The following NT5DC3 variants were observed in gnomAD, a reference collection of about 807,000 sequenced individuals.
NT5DC3 encodes the protein 5'-nucleotidase domain-containing protein 3.
NT5DC3 carries 42 observed loss-of-function variants against 67.8 expected under a neutral mutation model. That is an observed-to-expected ratio of 0.62 (90% CI 0.48 to 0.80). NT5DC3 has a LOEUF of 0.80. NT5DC3 is among the 30% of genes least tolerant of loss of function. NT5DC3 has a pLI of 0.00. For missense variants in NT5DC3, 570 were observed against 696.4 expected, an observed-to-expected ratio of 0.82 and a Z score of 2.04; for synonymous variants, 237 against 255.6, an observed-to-expected ratio of 0.93 and a Z score of 0.69.
the NT5DC3 span, among the ~76,000 whole-genome samples, chr12:103,751,962 A>G: frequency 6.6e-6 from 1 of 152,094 alleles, no homozygotes; most frequent in East Asian, 1.9e-4. Flanking sequence ...ACCATCCCAC[A>G]TTCAGGAGGA....
At chr12:103,839,209 A>G (rs879393999) in intron 1 of NT5DC3, among the ~76,000 whole-genome samples, 29 of 152,224 alleles carry the variant, frequency 1.9e-4, no homozygotes, top group Admixed American at 1.9e-3. Flanking sequence ...CACTGGGAGA[A>G]ATTGGATAAA....
chr12:103,794,474 G>T (rs911004348), intron 6 of NT5DC3, among the ~76,000 whole-genome samples: 1 of 152,160 alleles, frequency 6.6e-6, no homozygotes, highest in African/African-American at 2.4e-5. Context: ...TTCATAGGCA[G>T]CCCCTTGTGA....
At position 103,777,453 on chromosome 12, in the gene NT5DC3, C is replaced by T. The variant is rs1885379966; in HGVS notation, c.*376G>A. ...CCCCTGCAGTTCCCAATGCATAGCC[C>T]GTAAATGTTCAGGAAATGTTCCATG... On this transcript the variant is annotated 3_prime_UTR_variant, in exon 14 of 14. Coordinates refer to ENST00000392876, the MANE Select transcript of NT5DC3 (RefSeq NM_001031701.3). 1.5e-5 allele frequency: 3 copies of T among 206,336 alleles called. No homozygotes were observed. Among genetic ancestry groups the T allele is most frequent in the East Asian group, 1.2e-4 (1 of 8,310 alleles). 12.8% of individuals were successfully genotyped at this position (206,336 alleles called of 1,614,324 possible).
At chr12:103,780,482 G>A in intron 12 of NT5DC3, 118 bp from the exon 13 acceptor site, 1 of 827,268 alleles carries the variant, frequency 1.2e-6, no homozygotes, top group Non-Finnish European at 2.0e-6. Flanking sequence ...ACATCTCAGA[G>A]GCTGGCACCT....
At chr12:103,759,902 T>C in the NT5DC3 span, among the ~76,000 whole-genome samples, 6 of 152,322 alleles carry the variant, frequency 3.9e-5, no homozygotes, top group African/African-American at 1.4e-4. Flanking sequence ...CAAAGAACAG[T>C]TGGGATCAAG....
chr12:103,791,904 C>T (rs557886852), intron 9 of NT5DC3, among the ~76,000 whole-genome samples: 1 of 152,208 alleles, frequency 6.6e-6, no homozygotes, highest in Non-Finnish European at 1.5e-5. Flanking sequence ...GACACCATCA[C>T]CCTACCCCCA....
chr12:103,813,659 C>G (rs1341727969), intron 2 of NT5DC3, among the ~76,000 whole-genome samples: 3 of 152,154 alleles, frequency 2.0e-5, no homozygotes, highest in African/African-American at 7.2e-5. Context: ...CTAGCCAGAC[C>G]CCACCTGGGG....
At chr12:103,816,967 C>CTTTTTTTTT (rs376622215) in intron 1 of NT5DC3, among the ~76,000 whole-genome samples, 12 of 118,942 alleles carry the variant, frequency 1.0e-4, no homozygotes, top group Non-Finnish European at 1.4e-4. Flanking sequence ...TTTCTTTTTT[C>CTTTTTTTTT]TTTTTTTTTT....
chr12:103,780,205 C>T, intron 13 of NT5DC3, 95 bp downstream of exon 13: 1 of 1,030,504 alleles, frequency 9.7e-7, no homozygotes, highest in East Asian at 2.4e-5. Context: ...GATGTTTCAA[C>T]ATTATGCCTC....
intron 1 of NT5DC3, among the ~76,000 whole-genome samples, chr12:103,823,236 A>C (rs1887560463): frequency 6.6e-6 from 1 of 151,814 alleles, no homozygotes; most frequent in Non-Finnish European, 1.5e-5. Context: ...AAAAAAAAAA[A>C]ACAGAAAAAG....
chr12:103,755,629 A>G, the NT5DC3 span: 4 of 1,614,110 alleles, frequency 2.5e-6, no homozygotes, highest in Non-Finnish European at 3.4e-6. Context: ...CTGCACCTGC[A>G]AGGTGGGCTA....
At chr12:103,797,873 C>T (rs1886388956) in intron 5 of NT5DC3, among the ~76,000 whole-genome samples, 1 of 152,168 alleles carries the variant, frequency 6.6e-6, no homozygotes, top group African/African-American at 2.4e-5. Flanking sequence ...ACCTACCAAA[C>T]ATCATGGCTC....
the NT5DC3 span, among the ~76,000 whole-genome samples, chr12:103,749,527 G>A: frequency 6.6e-6 from 1 of 151,826 alleles, no homozygotes; most frequent in Non-Finnish European, 1.5e-5. Flanking sequence ...CTAAATAAAA[G>A]GCTTATTAAA....
At chr12:103,815,163 T>G in intron 1 of NT5DC3, 42 bp from the exon 2 acceptor site, 1 of 1,309,814 alleles carries the variant, frequency 7.6e-7, no homozygotes, top group East Asian at 2.5e-5. Flanking sequence ...ACATAATAAA[T>G]AAGGGTTAGT....
chr12:103,758,525 A>C, the NT5DC3 span, among the ~76,000 whole-genome samples: 1 of 152,216 alleles, frequency 6.6e-6, no homozygotes, highest in Non-Finnish European at 1.5e-5. Context: ...ATCGTCCAAC[A>C]GGCTAGCCCA....
the NT5DC3 span, chr12:103,759,078 G>T: frequency 0.28 from 447,656 of 1,612,972 alleles, 67,411 homozygotes; most frequent in South Asian, 0.51. Context: ...TCATTAAAAA[G>T]ACAAAATATT....
the NT5DC3 span, chr12:103,749,233 C>T: frequency 1.4e-6 from 2 of 1,413,026 alleles, no homozygotes; most frequent in Non-Finnish European, 1.9e-6. Flanking sequence ...ACCTCCCATA[C>T]TCTGCTTATC....
chr12:103,793,802 T>C, intron 7 of NT5DC3, 135 bp downstream of exon 7: 1 of 710,862 alleles, frequency 1.4e-6, no homozygotes, highest in South Asian at 1.7e-5. Context: ...ACGGCTAACA[T>C]GCCAGGATGC....
Position 103,806,843 on chromosome 12 carries a change from A to G in NT5DC3, c.468+12T>C. 1 of 1,545,258 alleles carries G rather than the reference A, an allele frequency of 6.5e-7. No individual in the cohort carries two copies. Among genetic ancestry groups the G allele is most frequent in the Non-Finnish European group, 8.9e-7 (1 of 1,117,784 alleles). On this transcript the variant is annotated intron_variant, in intron 3 of 13. Coordinates refer to ENST00000392876, the MANE Select transcript of NT5DC3 (RefSeq NM_001031701.3). ...TCATTAAACCATAGAAAAACAGGAG[A>G]AGTAAACCTACCCGCTGTACATCAT...
Sources: gnomAD v4.1 joint callset for allele counts (sites outside exome capture counted in the v4.1 genomes callset) on GRCh38, gnomAD v4.1.1 for gene constraint, MANE v1.5 for transcripts, NCBI Gene and HGNC (gene_info 2026-07-23, HGNC 2026-07-21) for gene names.